XIRP2: variants seen among roughly 807,000 people sequenced by gnomAD.
XIRP2 encodes xin actin binding repeat containing 2.
A neutral mutation model predicts 277.0 loss-of-function variants in XIRP2; 236 were observed. That is an observed-to-expected ratio of 0.85 (90% CI 0.77 to 0.95). The LOEUF (loss-of-function observed/expected upper bound fraction) is 0.95. Among genes scored for constraint, XIRP2 ranks in the 40% least tolerant of loss-of-function variants. The probability of loss-of-function intolerance (pLI) is 0.00; values close to 1 mark genes in which losing one functional copy is unlikely to be tolerated. For missense variants in XIRP2, 4,640 were observed against 4,157.5 expected, an observed-to-expected ratio of 1.12 and a Z score of -3.19; for synonymous variants, 1,490 against 1,416.5, an observed-to-expected ratio of 1.05 and a Z score of -1.17.
intron 2 of XIRP2, among the ~76,000 whole-genome samples, chr2:166,910,812 G>A (rs1490312259): frequency 6.6e-6 from 1 of 152,126 alleles, no homozygotes. Context: ...GGTATGTTGT[G>A]TCTTTGTTCT....
intron 2 of XIRP2, among the ~76,000 whole-genome samples, chr2:166,982,780 C>T (rs1362487399): frequency 6.6e-6 from 1 of 152,142 alleles, no homozygotes; most frequent in Non-Finnish European, 1.5e-5. Flanking sequence ...ACTTTAAAAT[C>T]CATGCACGCA....
intron 2 of XIRP2, among the ~76,000 whole-genome samples, chr2:166,935,406 A>ATTTGTT (rs1255972878): frequency 7.4e-4 from 113 of 152,246 alleles, no homozygotes; most frequent in African/African-American, 2.6e-3. Flanking sequence ...GTAGTCTTAC[A>ATTTGTT]TTTGTTTTTG....
At chr2:166,904,716 A>G (rs1684471819) in intron 2 of XIRP2, among the ~76,000 whole-genome samples, 1 of 152,102 alleles carries the variant, frequency 6.6e-6, no homozygotes, top group African/African-American at 2.4e-5. Context: ...GAATTTTGCA[A>G]AGAATTAATA....
At chr2:166,905,767 C>T (rs952426739) in intron 2 of XIRP2, among the ~76,000 whole-genome samples, 9 of 151,468 alleles carry the variant, frequency 5.9e-5, no homozygotes, top group African/African-American at 9.7e-5. Context: ...ACAAAGGGGA[C>T]GAGGAGAAAA....
At chr2:167,010,776 G>T (rs1460263069) in intron 2 of XIRP2, among the ~76,000 whole-genome samples, 1 of 151,958 alleles carries the variant, frequency 6.6e-6, no homozygotes, top group Non-Finnish European at 1.5e-5. Context: ...TCCTTCAAGA[G>T]GTCCTTCACG....
intron 2 of XIRP2, among the ~76,000 whole-genome samples, chr2:167,134,793 T>A (rs972041205): frequency 5.9e-5 from 9 of 152,194 alleles, no homozygotes; most frequent in Middle Eastern, 3.4e-3. Context: ...AAAAGTTAAA[T>A]AAGAGTGATT....
rs377363143 is a variant in XIRP2, at chr2:167,251,482, A to T, written c.10090A>T (p.Ile3364Leu). ...TGCAAAGGGAGAAACAAACCATAAC[A>T]TACAACAAGAAAGTCGTACATTTTG... is the stretch of plus-strand genomic sequence containing the variant. ...VYAKGETNHN[I>L]QQESRTFCKE... The change falls in exon 9 of 11, where the codon ATA (isoleucine) becomes TTA (leucine). Residue 3364 changes from isoleucine to leucine, a missense_variant. Coordinates refer to ENST00000409195, the MANE Select transcript of XIRP2 (RefSeq NM_152381.6). 35 of 1,613,484 alleles carry T rather than the reference A, an allele frequency of 2.2e-5. No individual in the cohort carries two copies. Among genetic ancestry groups the T allele is most frequent in the Non-Finnish European group, 2.8e-5 (33 of 1,179,676 alleles).
chr2:167,191,955 G>C (rs1693352639), intron 3 of XIRP2, among the ~76,000 whole-genome samples: 1 of 150,888 alleles, frequency 6.6e-6, no homozygotes. Context: ...AAGATCCAAT[G>C]CATCTTCCCC....
rs191642641 is a variant in XIRP2 at position 167,235,013 on chromosome 2, C to T, written c.859-4842C>T. Among the ~76,000 whole-genome samples the T allele has an allele frequency of 3.9e-5, 6 of 151,906 alleles. No homozygotes were observed. In the East Asian group the frequency reaches 1.2e-3, roughly 29 times the overall value. ...GCATCATGAATATCTTTTTCTTTTC[C>T]TATGTTGAAAGAATCCTTACCTCTG... is the stretch of plus-strand genomic sequence containing the variant. On this transcript the variant is annotated intron_variant, in intron 5 of 10. Transcript: ENST00000409195.
intron 2 of XIRP2, among the ~76,000 whole-genome samples, chr2:167,123,301 G>C (rs144416642): frequency 3.2e-4 from 48 of 152,166 alleles, no homozygotes; most frequent in Admixed American, 9.8e-4. Context: ...GTCAGTGACC[G>C]TTATTAAGAA....
chr2:167,257,506 G>A (rs1350395826), intron 10 of XIRP2, among the ~76,000 whole-genome samples: 1 of 151,908 alleles, frequency 6.6e-6, no homozygotes, highest in Admixed American at 6.6e-5. Context: ...TGATTTGTAT[G>A]TGTTTGCTAC....
At position 167,244,351 on chromosome 2, in the gene XIRP2, C is replaced by T. The variant is rs1204998713; in HGVS notation, c.2959C>T (p.Pro987Ser). 5 of 1,613,590 alleles carry T rather than the reference C, an allele frequency of 3.1e-6. No individual in the cohort carries two copies. The highest frequency in any genetic ancestry group is 4.2e-6 in the Non-Finnish European group (5 of 1,179,798). ...AAATAAATCTCTCTTCGAGACAACA[C>T]CACTGTATGCCATTCAAGATCCCCT... ...ELNKSLFETT[P>S]LYAIQDPLGK... The change falls in exon 9 of 11, where the codon CCA becomes TCA. Residue 987 changes from proline (P) to serine (S), a missense_variant. Coordinates refer to ENST00000409195, the MANE Select transcript of XIRP2 (RefSeq NM_152381.6).
intron 2 of XIRP2, among the ~76,000 whole-genome samples, chr2:167,008,568 T>A (rs1449682160): frequency 6.6e-6 from 1 of 151,680 alleles, no homozygotes; most frequent in African/African-American, 2.4e-5. Context: ...AAGATTGAAA[T>A]TGGAGGCAAC....
chr2:167,062,208 G>C (rs147184141), intron 2 of XIRP2, among the ~76,000 whole-genome samples: 1 of 152,146 alleles, frequency 6.6e-6, no homozygotes, highest in East Asian at 1.9e-4. Flanking sequence ...CCTGAACAAC[G>C]ATAGCTGGAT....
At chr2:167,177,460 G>A (rs1020396535) in intron 3 of XIRP2, among the ~76,000 whole-genome samples, 1 of 152,090 alleles carries the variant, frequency 6.6e-6, no homozygotes, top group South Asian at 2.1e-4. Context: ...ACTTTTCCAT[G>A]TTATTAAGTA....
intron 2 of XIRP2, among the ~76,000 whole-genome samples, chr2:166,921,813 G>A (rs950436996): frequency 2.6e-5 from 4 of 152,062 alleles, no homozygotes; most frequent in Non-Finnish European, 5.9e-5. Flanking sequence ...TCTGCCTAGA[G>A]CTGTACTCCT....
chr2:167,211,591 T>A (rs16853227), intron 4 of XIRP2, among the ~76,000 whole-genome samples: 21,672 of 152,206 alleles, frequency 0.14, 1,844 homozygotes, highest in African/African-American at 0.24. Flanking sequence ...AGGTCGGGAA[T>A]TAATTTCAAA....
chr2:167,257,743 C>A, intron 10 of XIRP2, 114 bp from the exon 11 acceptor site: 1 of 991,852 alleles, frequency 1.0e-6, no homozygotes, highest in Non-Finnish European at 1.5e-6. Flanking sequence ...GGGCCATTCC[C>A]ATTGCTAGTA....
At chr2:167,153,619 T>A (rs992085600) in intron 3 of XIRP2, among the ~76,000 whole-genome samples, 2 of 151,794 alleles carry the variant, frequency 1.3e-5, no homozygotes, top group Non-Finnish European at 2.9e-5. Context: ...CCATGTGTTC[T>A]CATTGTTCAA....
Sources: gnomAD v4.1 joint callset for allele counts (sites outside exome capture counted in the v4.1 genomes callset) on GRCh38, gnomAD v4.1.1 for gene constraint, MANE v1.5 for transcripts, NCBI Gene and HGNC (gene_info 2026-07-23, HGNC 2026-07-21) for gene names.